GBE1: variants seen among roughly 807,000 people sequenced by gnomAD.
GBE1 encodes the protein 1,4-alpha-glucan branching enzyme 1.
Under a neutral mutation model 88.8 loss-of-function variants are expected in GBE1, and 70 were observed. That is an observed-to-expected ratio of 0.79 (90% CI 0.65 to 0.96). The LOEUF is 0.96. Among genes scored for constraint, GBE1 ranks in the 40% least tolerant of loss-of-function variants. GBE1 has a pLI of 0.00. For missense variants in GBE1, 872 were observed against 871.0 expected, an observed-to-expected ratio of 1.00 and a Z score of -0.01; for synonymous variants, 284 against 300.1, an observed-to-expected ratio of 0.95 and a Z score of 0.56.
chr3:81,637,465 G>A (rs1175317007), intron 7 of GBE1, among the ~76,000 whole-genome samples: 2 of 152,044 alleles, frequency 1.3e-5, no homozygotes, highest in African/African-American at 4.8e-5. Context: ...CAAAATTTCT[G>A]ACAAACATAT....
intron 9 of GBE1, among the ~76,000 whole-genome samples, chr3:81,586,984 G>A (rs1703811688): frequency 6.6e-6 from 1 of 151,952 alleles, no homozygotes; most frequent in Non-Finnish European, 1.5e-5. Flanking sequence ...TAGAGATGGG[G>A]TTTCATCATG....
chr3:81,605,068 T>C (rs181613475), intron 7 of GBE1, among the ~76,000 whole-genome samples: 27 of 152,194 alleles, frequency 1.8e-4, no homozygotes, highest in Non-Finnish European at 3.2e-4. Context: ...ATGGCCTACA[T>C]TGGAATAAAA....
At chr3:81,643,084 T>C in intron 6 of GBE1, 94 bp from the exon 7 acceptor site, 1 of 799,748 alleles carries the variant, frequency 1.3e-6, no homozygotes. Flanking sequence ...CAGTACTAGA[T>C]ACTTTAAATA....
chr3:81,514,395 C>A (rs1053716267), intron 14 of GBE1, among the ~76,000 whole-genome samples: 2 of 151,550 alleles, frequency 1.3e-5, no homozygotes, highest in Non-Finnish European at 3.0e-5. Context: ...TATCTAAACA[C>A]TTTCCTTATT....
At chr3:81,659,503 T>A (rs1704992840) in intron 3 of GBE1, among the ~76,000 whole-genome samples, 1 of 47,034 alleles carries the variant, frequency 2.1e-5, no homozygotes, top group African/African-American at 1.6e-4. Context: ...GCCCGGCTAA[T>A]TTTTTTTTTT....
chr3:81,673,691 TTAAC>T (rs1200079823), intron 2 of GBE1, among the ~76,000 whole-genome samples: 32 of 152,054 alleles, frequency 2.1e-4, no homozygotes, highest in Middle Eastern at 6.8e-3. Context: ...GAAAAATACT[TTAAC>T]TATGTCGCAT....
chr3:81,539,368 C>A (rs1703116922), intron 12 of GBE1, among the ~76,000 whole-genome samples: 1 of 151,874 alleles, frequency 6.6e-6, no homozygotes, highest in Non-Finnish European at 1.5e-5. Flanking sequence ...CAAAATAAGA[C>A]TTGTGGTAAG....
At chr3:81,549,192 G>A (rs1409755946) in intron 12 of GBE1, among the ~76,000 whole-genome samples, 2 of 150,822 alleles carry the variant, frequency 1.3e-5, no homozygotes, top group African/African-American at 4.9e-5. Flanking sequence ...ACCATGCCGA[G>A]CTAATTGTTG....
In GBE1 at chr3:81,649,874, C is replaced by T. The variant is rs369676236; in HGVS notation, c.477G>A (p.Pro159=). 17 of 1,609,654 alleles carry T rather than the reference C, an allele frequency of 1.1e-5. No individual in the cohort carries two copies. Among genetic ancestry groups the T allele is most frequent in the Middle Eastern group, 1.6e-4 (1 of 6,066 alleles). Residue 159 remains proline (P), a synonymous_variant, in exon 4 of 16, where the codon CCG becomes CCA. Coordinates refer to ENST00000429644, the MANE Select transcript of GBE1 (RefSeq NM_000158.4). ...CTTCACGAACCACATACTTTGCCCA[C>T]GGTGAAATACGATACAAGATCTCTC... is the stretch of plus-strand genomic sequence containing the variant. ...KSGEILYRIS[P]WAKYVVREGD... is the part of the protein sequence containing the mutation.
intron 7 of GBE1, among the ~76,000 whole-genome samples, chr3:81,596,052 C>T (rs1383807600): frequency 1.3e-5 from 2 of 151,972 alleles, no homozygotes; most frequent in East Asian, 3.9e-4. Flanking sequence ...AGTCAAATTT[C>T]TAGTGCTTTT....
intron 1 of GBE1, among the ~76,000 whole-genome samples, chr3:81,712,274 C>T (rs1705878518): frequency 6.6e-6 from 1 of 152,166 alleles, no homozygotes; most frequent in Admixed American, 6.5e-5. Context: ...ACTAGAAATA[C>T]CATTTGACCC....
intron 1 of GBE1, among the ~76,000 whole-genome samples, chr3:81,724,030 C>T (rs187538855): frequency 7.3e-4 from 111 of 152,244 alleles, no homozygotes; most frequent in African/African-American, 2.6e-3. Context: ...CTCCCTTTAA[C>T]TTGCTACTAG....
intron 15 of GBE1, among the ~76,000 whole-genome samples, chr3:81,492,991 C>T (rs1031348853): frequency 6.6e-6 from 1 of 152,048 alleles, no homozygotes; most frequent in African/African-American, 2.4e-5. Context: ...CTGCCTTGGC[C>T]TCCCATATTG....
At position 81,551,095 on chromosome 3, in the gene GBE1, CCCTT is replaced by C. The variant is rs1324415329; in HGVS notation, c.1619-14004_1619-14001del. 8.5e-5 allele frequency among the ~76,000 whole-genome samples: 13 copies of C among 152,288 alleles called. No homozygotes were observed. The East Asian group carries it at 2.5e-3, about 29-fold the overall frequency. On this transcript the variant is annotated intron_variant, in intron 12 of 15. Coordinates refer to ENST00000429644, the MANE Select transcript of GBE1 (RefSeq NM_000158.4). ...TCATGTCTTTCTCCTGCACACTCCT[CCCTT>C]AAAAGATACAAGCCAAAGAATATAT... is the stretch of plus-strand genomic sequence containing the variant.
chr3:81,579,606 TATGCATATATTTTA>T (rs1432789745), intron 11 of GBE1, among the ~76,000 whole-genome samples: 1 of 152,152 alleles, frequency 6.6e-6, no homozygotes, highest in African/African-American at 2.4e-5. Context: ...AGCTATAATT[TATGCATATATTTTA>T]ATTTCCAAAT....
chr3:81,570,620 C>G (rs915892479), intron 12 of GBE1, among the ~76,000 whole-genome samples: 2 of 152,108 alleles, frequency 1.3e-5, no homozygotes, highest in Non-Finnish European at 2.9e-5. Context: ...GTAATTGTAA[C>G]TTAGTACTCA....
chr3:81,561,227 T>C (rs953206124), intron 12 of GBE1, among the ~76,000 whole-genome samples: 4 of 152,092 alleles, frequency 2.6e-5, no homozygotes, highest in African/African-American at 9.7e-5. Context: ...TGTGTCAGTT[T>C]TGAGTTGTGA....
intron 1 of GBE1, among the ~76,000 whole-genome samples, chr3:81,712,493 T>G (rs1040484181): frequency 1.5e-4 from 23 of 152,212 alleles, no homozygotes; most frequent in African/African-American, 5.5e-4. Context: ...TTCGTGTCCC[T>G]TGTAGGGACA....
chr3:81,698,808 AAAGT>A (rs1705642455), intron 2 of GBE1, among the ~76,000 whole-genome samples: 1 of 152,208 alleles, frequency 6.6e-6, no homozygotes, highest in Non-Finnish European at 1.5e-5. Context: ...CTGTTAAGCA[AAAGT>A]AAGTTCACTA....
Sources: allele counts gnomAD v4.1 joint callset (sites outside exome capture counted in the v4.1 genomes callset), GRCh38; gene constraint gnomAD v4.1.1; transcripts MANE v1.5; gene names NCBI Gene and HGNC (gene_info 2026-07-23, HGNC 2026-07-21).